NDEL1: variants seen among roughly 807,000 people sequenced by gnomAD.
NDEL1 encodes the protein nudE neurodevelopment protein 1 like 1.
NDEL1 carries 9 observed loss-of-function variants against 45.7 expected under a neutral mutation model. The observed-to-expected ratio is 0.20, with a 90% CI of 0.12 to 0.34. The LOEUF (loss-of-function observed/expected upper bound fraction) is 0.34. NDEL1 is among the 10% of genes least tolerant of loss of function. The pLI is 1.00. For missense variants in NDEL1, 306 were observed against 406.2 expected, an observed-to-expected ratio of 0.75 and a Z score of 2.12; for synonymous variants, 133 against 158.6, an observed-to-expected ratio of 0.84 and a Z score of 1.21.
chr17:8,471,311 C>T (rs1021122699), downstream of NDEL1, among the ~76,000 whole-genome samples: 44 of 152,184 alleles, frequency 2.9e-4, no homozygotes, highest in African/African-American at 1.0e-3. Flanking sequence ...CCGCCATGCC[C>T]GGCTAATTTT....
upstream of NDEL1, chr17:8,432,103 C>T (rs938408550): frequency 4.0e-5 from 6 of 151,310 alleles, no homozygotes; most frequent in African/African-American, 1.5e-4. Context: ...CTCAAGTGAT[C>T]TACCCGCCCC....
At chr17:8,448,394 C>A (rs963380065) in intron 4 of NDEL1, among the ~76,000 whole-genome samples, 156 bp from the exon 5 acceptor site, 4 of 152,260 alleles carry the variant, frequency 2.6e-5, no homozygotes, top group African/African-American at 9.6e-5. Context: ...ACACTACGTG[C>A]CAGCAGTGGT....
At chr17:8,413,838 G>T (rs1268931948) in intron 1 of NDEL1, among the ~76,000 whole-genome samples, 1 of 152,210 alleles carries the variant, frequency 6.6e-6, no homozygotes, top group Non-Finnish European at 1.5e-5. Context: ...TAAACTGTAT[G>T]ATTGTATTCT....
At chr17:8,432,478 G>A (rs956049292), upstream of NDEL1, among the ~76,000 whole-genome samples, 3 of 150,486 alleles carry the variant, frequency 2.0e-5, no homozygotes, top group Non-Finnish European at 4.4e-5. Flanking sequence ...TCCGCCTCCC[G>A]GGTTCATGCC....
At chr17:8,432,903 C>G (rs879346885), upstream of NDEL1, among the ~76,000 whole-genome samples, 1 of 152,108 alleles carries the variant, frequency 6.6e-6, no homozygotes, top group African/African-American at 2.4e-5. Context: ...AAAACACTCT[C>G]GTAATAAGTA....
At chr17:8,415,309 G>C (rs976870872) in intron 1 of NDEL1, among the ~76,000 whole-genome samples, 1 of 151,832 alleles carries the variant, frequency 6.6e-6, no homozygotes, top group South Asian at 2.1e-4. Context: ...CTGCCAAGTA[G>C]CTGGGGCCAC....
chr17:8,440,352 A>C (rs2151709400), intron 1 of NDEL1, among the ~76,000 whole-genome samples: 1 of 152,130 alleles, frequency 6.6e-6, no homozygotes. Context: ...GTGTCCTACT[A>C]AAAATACAAA....
intron 1 of NDEL1, among the ~76,000 whole-genome samples, chr17:8,421,231 G>A (rs1908697791): frequency 7.9e-5 from 12 of 152,174 alleles, no homozygotes; most frequent in Admixed American, 7.9e-4. Context: ...TGGTACAACT[G>A]GAAGATCAGA....
At chr17:8,466,288 T>G (rs1911583384) in intron 8 of NDEL1, 1 of 152,256 alleles carries the variant, frequency 6.6e-6, no homozygotes, top group South Asian at 2.1e-4. Flanking sequence ...TGTACATATA[T>G]GTTGGTGTGT....
At chr17:8,423,616 G>A (rs529446336) in intron 1 of NDEL1, among the ~76,000 whole-genome samples, 1 of 152,262 alleles carries the variant, frequency 6.6e-6, no homozygotes, top group African/African-American at 2.4e-5. Flanking sequence ...CACAGGAGGC[G>A]AAGGTTGCAG....
At chr17:8,427,749 A>C (rs897772477) in intron 1 of NDEL1, among the ~76,000 whole-genome samples, 3 of 152,028 alleles carry the variant, frequency 2.0e-5, no homozygotes, top group Admixed American at 2.0e-4. Flanking sequence ...AACCACCCAA[A>C]GTCTTGGAGG....
chr17:8,444,494 A>G, intron 2 of NDEL1, 137 bp downstream of exon 2: 1 of 624,058 alleles, frequency 1.6e-6, no homozygotes, highest in Non-Finnish European at 2.8e-6. Context: ...TTCTACAAAC[A>G]GTCACCACAT....
At chr17:8,434,740 CGT>C (rs779999429), upstream of NDEL1, among the ~76,000 whole-genome samples, 14 of 152,118 alleles carry the variant, frequency 9.2e-5, no homozygotes, top group South Asian at 6.2e-4. Context: ...CACACATACA[CGT>C]GTGTGTTTAC....
chr17:8,473,623 G>A (rs117860725), intron 3 of NDEL1, among the ~76,000 whole-genome samples: 2,969 of 152,290 alleles, frequency 0.019, 52 homozygotes, highest in Middle Eastern at 0.044. Context: ...AGTGGCACAG[G>A]AGGAAGAGGG....
chr17:8,415,778 C>T (rs750742795), intron 1 of NDEL1, among the ~76,000 whole-genome samples: 2 of 151,328 alleles, frequency 1.3e-5, no homozygotes, highest in Non-Finnish European at 2.9e-5. Context: ...GATGGAGTCT[C>T]GCACTGTTGC....
chr17:8,423,743 A>C (rs1295517193), intron 1 of NDEL1, among the ~76,000 whole-genome samples: 1 of 152,168 alleles, frequency 6.6e-6, no homozygotes, highest in Non-Finnish European at 1.5e-5. Context: ...CATACATAAC[A>C]TCAGGTTGGA....
chr17:8,427,355 C>T (rs565571538), intron 1 of NDEL1, among the ~76,000 whole-genome samples: 4 of 152,086 alleles, frequency 2.6e-5, no homozygotes, highest in African/African-American at 9.7e-5. Context: ...GGTCAGGGAC[C>T]GAACCATAGT....
intron 4 of NDEL1, among the ~76,000 whole-genome samples, chr17:8,447,976 G>A (rs1484315175): frequency 3.0e-5 from 4 of 133,660 alleles, no homozygotes; most frequent in African/African-American, 1.1e-4. Flanking sequence ...GTTGCGGGGA[G>A]GTGGGCGGGG....
At chr17:8,418,917 C>T (rs1908637804) in intron 1 of NDEL1, among the ~76,000 whole-genome samples, 1 of 151,756 alleles carries the variant, frequency 6.6e-6, no homozygotes, top group African/African-American at 2.4e-5. Context: ...GGTGTGATCA[C>T]GGTTCACTGC....
Sources: allele counts gnomAD v4.1 joint callset (sites outside exome capture counted in the v4.1 genomes callset), GRCh38; gene constraint gnomAD v4.1.1; transcripts MANE v1.5; gene names NCBI Gene and HGNC (gene_info 2026-07-23, HGNC 2026-07-21).